Variants in WDR72 observed in about 807,000 individuals in gnomAD.
WDR72 encodes WD repeat-containing protein 72.
A neutral mutation model predicts 124.2 loss-of-function variants in WDR72; 120 were observed. That is an observed-to-expected ratio of 0.97 (90% confidence interval 0.83 to 1.12). WDR72 has a LOEUF of 1.12. Among genes scored for constraint, WDR72 ranks in the 50% most tolerant of loss-of-function variants. The pLI, the probability that WDR72 is intolerant of heterozygous loss-of-function variation, is 0.00. For synonymous variants in WDR72, 452 were observed against 441.7 expected (o/e 1.02, Z -0.29); for missense variants, 1,387 against 1,278.8 (o/e 1.08, Z -1.29).
In WDR72 at chr15:53,625,118, C is replaced by T. The variant is rs369613704; in HGVS notation, c.1963-8875G>A. ...TTAGGATGATAAAATATATCTAAAA[C>T]ATCATTCTAACGGAAGTGTCTTGGA... On this transcript the variant is annotated intron_variant, in intron 14 of 19. Transcript: ENST00000360509. Among the ~76,000 whole-genome samples, 34 of 152,224 alleles carry T rather than the reference C, an allele frequency of 2.2e-4. 1 individual carries two copies. In the South Asian group the frequency reaches 6.8e-3, roughly 31 times the overall value.
At chr15:53,704,795 G>C (rs1042907960) in intron 11 of WDR72, among the ~76,000 whole-genome samples, 193 bp downstream of exon 11, 5 of 128,522 alleles carry the variant, frequency 3.9e-5, no homozygotes, top group African/African-American at 1.2e-4. Context: ...GCCTCCCAAA[G>C]TGCTAGGATT....
intron 1 of WDR72, 65 bp from the exon 2 acceptor site, chr15:53,733,226 T>C (rs1952784969): frequency 1.3e-6 from 2 of 1,561,216 alleles, no homozygotes; most frequent in Non-Finnish European, 8.8e-7. Flanking sequence ...AAACCGATAA[T>C]ATTACAAGCA....
At chr15:53,716,560 C>T (rs755843231) in intron 4 of WDR72, 47 bp downstream of exon 4, 2 of 1,271,314 alleles carry the variant, frequency 1.6e-6, no homozygotes, top group Admixed American at 3.4e-5. Context: ...ATGCCCTAAA[C>T]AAGTTGCAGA....
chr15:53,679,202 T>G (rs76442027), intron 13 of WDR72, among the ~76,000 whole-genome samples: 11,496 of 152,152 alleles, frequency 0.076, 1,114 homozygotes, highest in African/African-American at 0.22. Flanking sequence ...GGAGTTTCAT[T>G]TAAAGAAGCT....
chr15:53,722,969 A>C, intron 2 of WDR72, 61 bp from the exon 3 acceptor site: 1 of 1,428,514 alleles, frequency 7.0e-7, no homozygotes, highest in Non-Finnish European at 9.9e-7. Context: ...TAAAAACACC[A>C]CAATATAGTA....
intron 18 of WDR72, among the ~76,000 whole-genome samples, chr15:53,546,319 G>A (rs1349320764): frequency 3.3e-5 from 5 of 152,040 alleles, no homozygotes; most frequent in African/African-American, 1.2e-4. Context: ...ATACACCATG[G>A]AATACTATGC....
chr15:53,699,969 G>A (rs1170160769), intron 12 of WDR72, 24 bp from the exon 13 acceptor site: 1 of 1,613,718 alleles, frequency 6.2e-7, no homozygotes, highest in East Asian at 2.2e-5. Flanking sequence ...ACATGCTTAT[G>A]TAAGTAAATA....
intron 14 of WDR72, among the ~76,000 whole-genome samples, chr15:53,642,111 G>T (rs2014874716): frequency 6.6e-6 from 1 of 151,750 alleles, no homozygotes; most frequent in Non-Finnish European, 1.5e-5. Context: ...GTTTTTCTAG[G>T]TCCATTTATG....
At chr15:53,543,588 G>A (rs1361078324) in intron 18 of WDR72, among the ~76,000 whole-genome samples, 1 of 150,646 alleles carries the variant, frequency 6.6e-6, no homozygotes, top group Non-Finnish European at 1.5e-5. Context: ...AAAAGAACTA[G>A]AAAAGCAAGA....
At position 53,695,444 on chromosome 15, in the gene WDR72, A is replaced by C. The variant is rs943986247; in HGVS notation, c.1765+4306T>G. 1.3e-5 allele frequency among the ~76,000 whole-genome samples: 2 copies of C among 152,254 alleles called. 1 individual carries two copies. The highest frequency in any genetic ancestry group is 2.9e-5 in the Non-Finnish European group (2 of 68,046). The stretch of plus-strand genomic sequence containing the variant: ...ATTGTGTCTCACAGCAATGAGGGCG[A>C]CCAAGCCGCCCAGAGTTGTCAGTGC... On this transcript the variant is annotated intron_variant, in intron 13 of 19. Transcript: ENST00000360509.
At chr15:53,715,418 T>A in intron 4 of WDR72, 51 bp from the exon 5 acceptor site, 1 of 1,603,788 alleles carries the variant, frequency 6.2e-7, no homozygotes, top group Non-Finnish European at 8.5e-7. Flanking sequence ...AAAATTAACA[T>A]AATTTGGCTA....
At chr15:53,621,805 A>T (rs1271026509) in intron 14 of WDR72, among the ~76,000 whole-genome samples, 1 of 151,890 alleles carries the variant, frequency 6.6e-6, no homozygotes, top group African/African-American at 2.4e-5. Context: ...ACATTTTTTA[A>T]AAAAAGAAAC....
chr15:53,737,686 G>A (rs1471443174), intron 1 of WDR72, among the ~76,000 whole-genome samples: 1 of 151,978 alleles, frequency 6.6e-6, no homozygotes, highest in East Asian at 1.9e-4. Context: ...AAGAAAAGCT[G>A]GTAAATTAAC....
chr15:53,702,373 C>T lies in WDR72; in HGVS notation c.1349-19G>A. 1.3e-6 allele frequency: 2 copies of T among 1,557,620 alleles called. No individual in the cohort carries two copies. The highest frequency in any genetic ancestry group is 1.8e-6 in the Non-Finnish European group (2 of 1,129,216). ...GGAGAATCTGAAAAACAATGAAACA[C>T]CAAATAATACAGATGTTATTTTTGT... is the stretch of plus-strand genomic sequence containing the variant. On this transcript the variant is annotated intron_variant, in intron 11 of 19. Coordinates refer to ENST00000360509, the MANE Select transcript of WDR72 (RefSeq NM_182758.4).
Position 53,587,658 on chromosome 15 carries a change from C to T in WDR72, c.3148+9421G>A, listed in dbSNP as rs564048324. 9.7e-4 allele frequency among the ~76,000 whole-genome samples: 147 copies of T among 152,022 alleles called. 1 individual carries two copies. The highest frequency in any genetic ancestry group is 3.3e-3 in the African/African-American group (135 of 41,506). Reference sequence around the variant, plus strand: ...GGATTGAGAGCACTGAGATCCACTACGATTACTTTTTTTAAAATTTCAAGA... The same window carrying T: ...GGATTGAGAGCACTGAGATCCACTATGATTACTTTTTTTAAAATTTCAAGA... On this transcript the variant is annotated intron_variant, in intron 18 of 19. Coordinates refer to ENST00000360509, the MANE Select transcript of WDR72 (RefSeq NM_182758.4).
Position 53,516,563 on chromosome 15 carries a change from C to A in WDR72, c.*1136G>T, listed in dbSNP as rs1042414404. 1.3e-4 allele frequency: 20 copies of A among 151,628 alleles called. No individual in the cohort carries two copies. The highest frequency in any genetic ancestry group is 4.8e-4 in the African/African-American group (20 of 41,294). The allele number at this position is 151,628 out of a possible 1,614,324, so 9.4% of individuals were successfully genotyped here. On this transcript the variant is annotated 3_prime_UTR_variant, in exon 20 of 20. Coordinates refer to ENST00000360509, the MANE Select transcript of WDR72 (RefSeq NM_182758.4). Reference sequence around the variant, plus strand: ...TATAGTTCTCTTTTCTAATTTCCCCCTCTCCTGTCCACTGCATCCCACCAT... The same window carrying A: ...TATAGTTCTCTTTTCTAATTTCCCCATCTCCTGTCCACTGCATCCCACCAT...
intron 18 of WDR72, among the ~76,000 whole-genome samples, chr15:53,539,902 A>G (rs186858163): frequency 6.6e-6 from 1 of 152,332 alleles, no homozygotes; most frequent in East Asian, 1.9e-4. Flanking sequence ...AAAAAGATAC[A>G]TCAAAAACAA....
chr15:53,587,467 T>A (rs1292732325), intron 18 of WDR72, among the ~76,000 whole-genome samples: 1 of 152,014 alleles, frequency 6.6e-6, no homozygotes, highest in Non-Finnish European at 1.5e-5. Context: ...TGTTACTATA[T>A]CTTTCAGTGT....
At chr15:53,652,364 T>C (rs974436537) in intron 14 of WDR72, among the ~76,000 whole-genome samples, 4 of 152,150 alleles carry the variant, frequency 2.6e-5, no homozygotes, top group Non-Finnish European at 4.4e-5. Flanking sequence ...ATGTCATACA[T>C]GTTGAAACGT....
Sources: gnomAD v4.1 joint callset for allele counts (sites outside exome capture counted in the v4.1 genomes callset) on GRCh38, gnomAD v4.1.1 for gene constraint, MANE v1.5 for transcripts, NCBI Gene and HGNC (gene_info 2026-07-23, HGNC 2026-07-21) for gene names.